Variants in TGIF1 observed in about 807,000 individuals in gnomAD.
TGIF1 encodes the protein TGFB induced factor homeobox 1, also known as homeobox protein TGIF1.
A neutral mutation model predicts 19.3 loss-of-function variants in TGIF1; 4 were observed. The ratio of observed to expected loss-of-function variants is 0.21; its 90% CI spans 0.10 to 0.47. The LOEUF (loss-of-function observed/expected upper bound fraction) is 0.47. Ranked by LOEUF, TGIF1 falls within the 20% of genes least tolerant of loss-of-function variation. TGIF1 has a pLI of 0.98. For missense variants in TGIF1, 275 were observed against 341.4 expected (o/e 0.81, Z 1.53); for synonymous variants, 122 against 129.3 (o/e 0.94, Z 0.38).
At chr18:3,430,666 G>T (rs568789623) in intron 2 of TGIF1, among the ~76,000 whole-genome samples, 2 of 150,050 alleles carry the variant, frequency 1.3e-5, no homozygotes, top group African/African-American at 4.9e-5. Context: ...CACCACACCC[G>T]GCTAATTTTT....
At chr18:3,434,955 G>C (rs1187181823) in intron 2 of TGIF1, among the ~76,000 whole-genome samples, 1 of 152,104 alleles carries the variant, frequency 6.6e-6, no homozygotes, top group African/African-American at 2.4e-5. Context: ...TTCTGGCATG[G>C]ACCTGGCCTG....
At chr18:3,429,900 A>G (rs1273000853) in intron 2 of TGIF1, among the ~76,000 whole-genome samples, 2 of 152,256 alleles carry the variant, frequency 1.3e-5, no homozygotes, top group Non-Finnish European at 2.9e-5. Flanking sequence ...TGTGCCTGTA[A>G]TCCCAACACT....
upstream of TGIF1, chr18:3,448,075 G>GT (rs1044924448): frequency 1.9e-5 from 19 of 978,892 alleles, no homozygotes; most frequent in African/African-American, 3.1e-4. Flanking sequence ...AAAGCGGGCG[G>GT]GGGGGGAGGT....
intron 1 of TGIF1, chr18:3,415,352 G>T: frequency 2.5e-6 from 1 of 395,486 alleles, no homozygotes; most frequent in Non-Finnish European, 5.2e-6. Context: ...ATGCGCAAAA[G>T]CCTATTGCGA....
At chr18:3,428,709 T>C (rs1332228667) in intron 2 of TGIF1, among the ~76,000 whole-genome samples, 6 of 144,920 alleles carry the variant, frequency 4.1e-5, no homozygotes, top group Middle Eastern at 4.5e-3. Flanking sequence ...TGCACTCCAG[T>C]TTGGGCGACA....
chr18:3,423,189 C>T (rs1242195247), intron 2 of TGIF1, among the ~76,000 whole-genome samples: 1 of 152,116 alleles, frequency 6.6e-6, no homozygotes, highest in Non-Finnish European at 1.5e-5. Context: ...CACCTGAAGA[C>T]ACATTTCTCA....
Position 3,457,557 on chromosome 18 carries a change from G to C in TGIF1, c.436G>C (p.Ala146Pro), listed in dbSNP as rs746699119. The change falls in exon 3 of 3, where the codon GCT (alanine) becomes CCT (proline). Residue 146 changes from alanine to proline, a missense_variant. Physicochemically the swap from Ala to Pro is conservative, Grantham distance 27 (BLOSUM62 -1). Transcript: ENST00000343820. The surrounding 1 kb of genome is among the most constrained non-coding windows in gnomAD (Gnocchi z 4.9). ...LEETPFHSCT[A>P]GPNPTLGRPL... Reference sequence around the variant, plus strand: ...GGAGACCCCATTTCATTCCTGTACAGCTGGGCCAAACCCAACCCTAGGGAG... The same window carrying C: ...GGAGACCCCATTTCATTCCTGTACACCTGGGCCAAACCCAACCCTAGGGAG... 1.2e-6 allele frequency: 2 copies of C among 1,614,202 alleles called. No homozygotes were observed. The highest frequency in any genetic ancestry group is 1.7e-6 in the Non-Finnish European group (2 of 1,180,044).
chr18:3,457,660 C>T lies in TGIF1; in HGVS notation c.539C>T (p.Ala180Val). 2 of 1,614,210 alleles carry T rather than the reference C, an allele frequency of 1.2e-6. No individual in the cohort carries two copies. The highest frequency in any genetic ancestry group is 1.7e-6 in the Non-Finnish European group (2 of 1,180,036). The change falls in exon 3 of 3, where the codon GCA becomes GTA. Residue 180 changes from alanine to valine, a missense_variant. Ala to Val is a moderately conservative substitution (Grantham distance 64). Coordinates refer to ENST00000343820, the MANE Select transcript of TGIF1 (RefSeq NM_003244.4). The surrounding 1 kb of genome is among the most constrained non-coding windows in gnomAD (Gnocchi z 4.9). ...PSVICHTTVT[A>V]LKDVPFSLCQ... ...GTGATCTGCCATACCACTGTGACTGCATTGAAAGATGTCCCTTTCTCTCTC... is the reference window on the plus strand; with the variant it reads ...GTGATCTGCCATACCACTGTGACTGTATTGAAAGATGTCCCTTTCTCTCTC...
chr18:3,448,036 G>A (rs550127387), upstream of TGIF1: 2 of 982,922 alleles, frequency 2.0e-6, no homozygotes, highest in South Asian at 4.7e-5. Context: ...CCACGGGGAA[G>A]AGGGAAACAT....
At chr18:3,445,751 A>AAG (rs1472726442), upstream of TGIF1, among the ~76,000 whole-genome samples, 1 of 126,382 alleles carries the variant, frequency 7.9e-6, no homozygotes, top group Non-Finnish European at 1.6e-5. Flanking sequence ...AAAAAAAAAA[A>AAG]AAGAGAAGAA....
chr18:3,428,197 A>ACAAG (rs2082498958), intron 2 of TGIF1, among the ~76,000 whole-genome samples: 1 of 152,158 alleles, frequency 6.6e-6, no homozygotes, highest in African/African-American at 2.4e-5. Flanking sequence ...AGTTTTACTT[A>ACAAG]AGAATTTCCT....
chr18:3,421,962 G>A (rs2082404033), intron 2 of TGIF1, among the ~76,000 whole-genome samples: 1 of 152,132 alleles, frequency 6.6e-6, no homozygotes, highest in Non-Finnish European at 1.5e-5. Context: ...GCGAGGCTGA[G>A]GTGAGCAGAT....
intron 1 of TGIF1, chr18:3,452,158 T>C: frequency 6.2e-7 from 1 of 1,613,748 alleles, no homozygotes; most frequent in Non-Finnish European, 8.5e-7. Context: ...TTGGCCTACC[T>C]TCCCCCAGCG....
upstream of TGIF1, chr18:3,448,533 G>A (rs892689286): frequency 2.7e-4 from 265 of 988,840 alleles, no homozygotes; most frequent in Non-Finnish European, 2.9e-4. Flanking sequence ...CCCCCGAGCC[G>A]TTTTAGGTGT....
intron 2 of TGIF1, among the ~76,000 whole-genome samples, chr18:3,428,368 T>A (rs1283754913): frequency 6.6e-6 from 1 of 152,188 alleles, no homozygotes; most frequent in Non-Finnish European, 1.5e-5. Context: ...GTTGTTTGAG[T>A]TGCAAGATGA....
At position 3,451,802 on chromosome 18, in the gene TGIF1, G is replaced by T; in HGVS notation, c.16+1297G>T. ...TAGAACGCCCTAAGGACCCCTCCCC[G>T]CGGGACGGAGGGAGGACTCGGGACA... On this transcript the variant is annotated intron_variant, in intron 1 of 2. Coordinates refer to ENST00000343820, the MANE Select transcript of TGIF1 (RefSeq NM_003244.4). The surrounding 1 kb of genome is among the most constrained non-coding windows in gnomAD (Gnocchi z 5.4). 2 of 1,295,460 alleles carry T rather than the reference G, an allele frequency of 1.5e-6. No individual in the cohort carries two copies. Among genetic ancestry groups the T allele is most frequent in the Middle Eastern group, 3.0e-4 (1 of 3,378 alleles). 80.2% of individuals were successfully genotyped at this position (1,295,460 alleles called of 1,614,324 possible).
In TGIF1 at chr18:3,443,410, CT is replaced by C. The variant is rs764806240; in HGVS notation, c.-44-12931del. ...CATCTGTAAGGTGGGGATAATAATA[CT>C]TTTTTTTTTTTTCCAGATAGGGTTT... On this transcript the variant is annotated intron_variant, in intron 2 of 3. Coordinates refer to the TGIF1 transcript ENST00000401449. Among the ~76,000 whole-genome samples the C allele has an allele frequency of 7.5e-3, 1,088 of 145,220 alleles. 3 individuals are homozygous for C. The highest frequency in any genetic ancestry group is 0.018 in the African/African-American group (709 of 39,972).
chr18:3,459,757 C>T lies in TGIF1; in HGVS notation c.*1817C>T, dbSNP rs763595571. Reference sequence around the variant, plus strand: ...ATTTAAAAGAAAAACTGTAAGTCACCTTAAATTCCCTATGTTTTACTTCAT... The same window carrying T: ...ATTTAAAAGAAAAACTGTAAGTCACTTTAAATTCCCTATGTTTTACTTCAT... On this transcript the variant is annotated 3_prime_UTR_variant, in exon 3 of 3. Transcript: ENST00000343820. The T allele has an allele frequency of 6.6e-6, 1 of 152,144 alleles. No individual in the cohort carries two copies. The highest frequency in any genetic ancestry group is 6.6e-5 in the Admixed American group (1 of 15,260). 9.4% of individuals were successfully genotyped at this position (152,144 alleles called of 1,614,324 possible). A position where few individuals can be genotyped will look rare whatever the true frequency, so the allele number is the denominator to read the frequency against.
At chr18:3,437,922 A>G (rs950135801) in intron 2 of TGIF1, among the ~76,000 whole-genome samples, 17 of 152,156 alleles carry the variant, frequency 1.1e-4, no homozygotes, top group Non-Finnish European at 1.3e-4. Flanking sequence ...CATCTCTACT[A>G]AAAATACAAA....
Sources: allele counts gnomAD v4.1 joint callset (sites outside exome capture counted in the v4.1 genomes callset), GRCh38; gene constraint gnomAD v4.1.1; non-coding constraint Gnocchi (gnomAD v3.1); transcripts MANE v1.5; gene names NCBI Gene and HGNC (gene_info 2026-07-23, HGNC 2026-07-21).